Variants in CACNA1B observed in about 807,000 individuals in gnomAD.
The protein encoded by CACNA1B is voltage-dependent N-type calcium channel subunit alpha-1B.
A neutral mutation model predicts 247.2 loss-of-function variants in CACNA1B; 70 were observed. That is an observed-to-expected ratio of 0.28 (90% CI 0.23 to 0.35). The LOEUF is 0.35. Ranked by LOEUF, CACNA1B falls within the 10% of genes least tolerant of loss-of-function variation. The pLI is 1.00. For synonymous variants in CACNA1B, 1,231 were observed against 1,294.4 expected, an observed-to-expected ratio of 0.95 and a Z score of 1.05; for missense variants, 2,367 against 3,197.4, an observed-to-expected ratio of 0.74 and a Z score of 6.26.
At chr9:138,044,717 G>A (rs1959169214) in intron 21 of CACNA1B, among the ~76,000 whole-genome samples, 3 of 152,148 alleles carry the variant, frequency 2.0e-5, no homozygotes, top group Admixed American at 1.3e-4. Context: ...GAGGGCAGAG[G>A]GCAGCAAGGC....
chr9:137,931,665 T>C (rs936116575), intron 6 of CACNA1B, among the ~76,000 whole-genome samples: 1 of 152,004 alleles, frequency 6.6e-6, no homozygotes, highest in Non-Finnish European at 1.5e-5. Context: ...TCCTACCTAT[T>C]GGGGATCATG....
In CACNA1B at chr9:137,955,089, C is replaced by T. The variant is rs1957931552; in HGVS notation, c.1071-609C>T. On this transcript the variant is annotated intron_variant, in intron 7 of 46. Coordinates refer to ENST00000371372, the MANE Select transcript of CACNA1B (RefSeq NM_000718.4). The surrounding 1 kb of genome is among the most constrained non-coding windows in gnomAD (Gnocchi z 6.9). ...GTCGGGGGCCAATGACAGAAGGTCT[C>T]CTCTCCTGCTCACTGTGAGCCTCAG... 6.6e-6 allele frequency among the ~76,000 whole-genome samples: 1 copy of T among 152,042 alleles called. No individual in the cohort carries two copies. The highest frequency in any genetic ancestry group is 2.1e-4 in the South Asian group (1 of 4,814).
chr9:137,955,631 C>A lies in CACNA1B; in HGVS notation c.1071-67C>A. On this transcript the variant is annotated intron_variant, in intron 7 of 46. Transcript: ENST00000371372. This position sits in a 1 kb window ranked among gnomAD's most constrained non-coding sequence, Gnocchi z 6.9. The stretch of plus-strand genomic sequence containing the variant: ...CCAGGCTTTCCCTGGTCCTTTTTGT[C>A]TCTGGGGCTGCACACCTGTGGGGCT... 1 of 1,066,256 alleles carries A rather than the reference C, an allele frequency of 9.4e-7. No individual in the cohort carries two copies. The highest frequency in any genetic ancestry group is 1.4e-6 in the Non-Finnish European group (1 of 715,880). 66.0% of individuals were successfully genotyped at this position (1,066,256 alleles called of 1,614,324 possible).
At chr9:137,953,588 C>A (rs948745046) in intron 7 of CACNA1B, among the ~76,000 whole-genome samples, 1 of 152,186 alleles carries the variant, frequency 6.6e-6, no homozygotes, top group African/African-American at 2.4e-5. Flanking sequence ...AAATAGAACT[C>A]CTAGCCTGGC....
chr9:138,000,325 C>G (rs1485671515), intron 15 of CACNA1B, among the ~76,000 whole-genome samples: 2 of 152,110 alleles, frequency 1.3e-5, no homozygotes, highest in South Asian at 2.1e-4. Context: ...GTCTCGATCT[C>G]CTGACCTCGT....
chr9:138,086,396 A>G (rs1960694760), intron 36 of CACNA1B, among the ~76,000 whole-genome samples: 1 of 151,178 alleles, frequency 6.6e-6, no homozygotes, highest in Non-Finnish European at 1.5e-5. Context: ...GTGGTGGTGC[A>G]TACTTGTAGT....
rs544757355 is a variant in CACNA1B at position 137,914,066 on chromosome 9, C to A, written c.623-588C>A. Among the ~76,000 whole-genome samples the A allele has an allele frequency of 3.3e-5, 5 of 152,150 alleles. No individual in the cohort carries two copies. In the South Asian group the frequency reaches 1.0e-3, roughly 32 times the overall value. On this transcript the variant is annotated intron_variant, in intron 4 of 46. Transcript: ENST00000371372. This position sits in a 1 kb window ranked among gnomAD's most constrained non-coding sequence, Gnocchi z 4.3. ...CATTCCCAGGGGCAGGTCTTTTTTG[C>A]CTCACTTTCTCCCAAGGAGTTGGGT...
In CACNA1B at chr9:138,020,466, G is replaced by C. The variant is rs1958830755; in HGVS notation, c.2268-2545G>C. Among the ~76,000 whole-genome samples the C allele has an allele frequency of 6.6e-6, 1 of 152,238 alleles. No homozygotes were observed. Among genetic ancestry groups the C allele is most frequent in the Admixed American group, 6.5e-5 (1 of 15,284 alleles). ...AGATAGAGCAAGGACAGAGACAGGG[G>C]CCAGGGGAGGTGCAGGCTGACTTAA... On this transcript the variant is annotated intron_variant, in intron 18 of 46. Coordinates refer to ENST00000371372, the MANE Select transcript of CACNA1B (RefSeq NM_000718.4). The surrounding 1 kb of genome is among the most constrained non-coding windows in gnomAD (Gnocchi z 4.1).
chr9:138,090,895 G>A (rs570207325), intron 36 of CACNA1B, among the ~76,000 whole-genome samples: 1 of 151,812 alleles, frequency 6.6e-6, no homozygotes, highest in South Asian at 2.1e-4. Context: ...TAGAATGGCT[G>A]TTATCAAAAA....
At chr9:138,099,475 G>T (rs118153842) in intron 37 of CACNA1B, among the ~76,000 whole-genome samples, 10 of 151,968 alleles carry the variant, frequency 6.6e-5, no homozygotes, top group South Asian at 2.1e-4. Flanking sequence ...GCCTGTGGAT[G>T]TGCACATGCC....
chr9:138,115,999 C>A (rs147833551), intron 42 of CACNA1B, among the ~76,000 whole-genome samples: 1 of 152,340 alleles, frequency 6.6e-6, no homozygotes, highest in African/African-American at 2.4e-5. Context: ...ACTTTAAAAT[C>A]GTTTCCTGTG....
chr9:137,919,090 G>A lies in CACNA1B; in HGVS notation c.966+1659G>A, dbSNP rs563581488. ...GTCCACTGGGGCTTGGCCAGGGGCC[G>A]CACATGACTCAGATTCTTCTGCCTG... On this transcript the variant is annotated intron_variant, in intron 6 of 46. Transcript: ENST00000371372. The surrounding 1 kb of genome is among the most constrained non-coding windows in gnomAD (Gnocchi z 4.6). 2.0e-5 allele frequency among the ~76,000 whole-genome samples: 3 copies of A among 152,348 alleles called. No individual in the cohort carries two copies. The highest frequency in any genetic ancestry group is 4.8e-5 in the African/African-American group (2 of 41,584).
chr9:138,058,547 G>C lies in CACNA1B; in HGVS notation c.4309-22G>C. ...GTAGGTTTTCTGCTTCTGAGTCTCT[G>C]TGCTCCTTTCTCCCCTTACAGAGGG... On this transcript the variant is annotated intron_variant, in intron 28 of 46. Coordinates refer to ENST00000371372, the MANE Select transcript of CACNA1B (RefSeq NM_000718.4). The surrounding 1 kb of genome is among the most constrained non-coding windows in gnomAD (Gnocchi z 4.7). The C allele has an allele frequency of 6.3e-7, 1 of 1,596,780 alleles. No homozygotes were observed. The highest frequency in any genetic ancestry group is 8.5e-7 in the Non-Finnish European group (1 of 1,172,700).
intron 6 of CACNA1B, among the ~76,000 whole-genome samples, chr9:137,941,552 C>T (rs946700739): frequency 6.6e-6 from 1 of 151,936 alleles, no homozygotes; most frequent in Non-Finnish European, 1.5e-5. Context: ...CAAAATACCA[C>T]CCTCATTCCT....
Position 138,020,143 on chromosome 9 carries a change from G to T in CACNA1B, c.2268-2868G>T, listed in dbSNP as rs889950956. Among the ~76,000 whole-genome samples, 6 of 150,266 alleles carry T rather than the reference G, an allele frequency of 4.0e-5. No homozygotes were observed. The highest frequency in any genetic ancestry group is 1.2e-4 in the African/African-American group (5 of 40,606). On this transcript the variant is annotated intron_variant, in intron 18 of 46. Transcript: ENST00000371372. This position sits in a 1 kb window ranked among gnomAD's most constrained non-coding sequence, Gnocchi z 4.1. Reference sequence around the variant, plus strand: ...AATGCAGATGGCAGGTATCCATGGTGTCACACCAGGGCTGCTTCATATTGT... The same window carrying T: ...AATGCAGATGGCAGGTATCCATGGTTTCACACCAGGGCTGCTTCATATTGT...
At chr9:138,078,390 C>T in intron 36 of CACNA1B, 132 bp downstream of exon 36, 1 of 867,770 alleles carries the variant, frequency 1.2e-6, no homozygotes. Context: ...GCTGATGGCC[C>T]TTGTTTCCCC....
At chr9:138,047,673 T>C (rs547393190) in intron 23 of CACNA1B, among the ~76,000 whole-genome samples, 106 of 152,340 alleles carry the variant, frequency 7.0e-4, no homozygotes, top group South Asian at 1.0e-3. Flanking sequence ...CTGGGAGTGC[T>C]CCCCAGTGTC....
intron 31 of CACNA1B, among the ~76,000 whole-genome samples, chr9:138,069,213 T>C: frequency 6.6e-6 from 1 of 152,230 alleles, no homozygotes; most frequent in South Asian, 2.1e-4. Context: ...CTTCATATGT[T>C]TACTTTGTGA....
chr9:137,908,874 G>C (rs765534373), intron 3 of CACNA1B, among the ~76,000 whole-genome samples: 21 of 151,882 alleles, frequency 1.4e-4, no homozygotes, highest in Non-Finnish European at 2.5e-4. Flanking sequence ...CTCGTGATCC[G>C]TCCGCCTCGG....
Sources: allele counts gnomAD v4.1 joint callset (sites outside exome capture counted in the v4.1 genomes callset), GRCh38; gene constraint gnomAD v4.1.1; non-coding constraint Gnocchi (gnomAD v3.1); transcripts MANE v1.5; gene names NCBI Gene and HGNC (gene_info 2026-07-23, HGNC 2026-07-21).